AGBL1: variants seen among roughly 807,000 people sequenced by gnomAD.
AGBL1 encodes the protein AGBL carboxypeptidase 1.
In AGBL1, 130 loss-of-function variants were observed where a neutral mutation model predicts 118.9. The ratio of observed to expected loss-of-function variants is 1.09; its 90% CI spans 0.95 to 1.26. The LOEUF (loss-of-function observed/expected upper bound fraction) is 1.26. AGBL1 is among the 50% of genes most tolerant of loss of function. The pLI, the probability that AGBL1 is intolerant of heterozygous loss-of-function variation, is 0.00. For synonymous variants in AGBL1, 555 were observed against 478.9 expected, an observed-to-expected ratio of 1.16 and a Z score of -2.08; for missense variants, 1,584 against 1,298.1, an observed-to-expected ratio of 1.22 and a Z score of -3.38.
At chr15:86,790,816 G>A (rs933231877) in intron 22 of AGBL1, among the ~76,000 whole-genome samples, 1 of 151,990 alleles carries the variant, frequency 6.6e-6, no homozygotes, top group Admixed American at 6.6e-5. Flanking sequence ...ACAGTTCTAT[G>A]TGGTAGCAGC....
intron 4 of AGBL1, among the ~76,000 whole-genome samples, chr15:86,155,495 A>G (rs1232149049): frequency 1.3e-5 from 2 of 152,180 alleles, no homozygotes; most frequent in Non-Finnish European, 2.9e-5. Flanking sequence ...CATACAGATA[A>G]AAAGTCAGGA....
intron 19 of AGBL1, among the ~76,000 whole-genome samples, chr15:86,542,781 A>G (rs772790904): frequency 6.6e-6 from 1 of 152,186 alleles, no homozygotes; most frequent in Non-Finnish European, 1.5e-5. Context: ...ATCTCGCTTT[A>G]TCCCAGATAA....
At chr15:86,808,208 CT>C (rs777088936) in intron 22 of AGBL1, among the ~76,000 whole-genome samples, 7 of 152,098 alleles carry the variant, frequency 4.6e-5, no homozygotes, top group African/African-American at 7.2e-5. Context: ...TGGTTGACCC[CT>C]GGTATTCTCC....
chr15:86,577,526 A>G (rs1006131648), intron 21 of AGBL1, among the ~76,000 whole-genome samples: 2 of 152,244 alleles, frequency 1.3e-5, no homozygotes, highest in African/African-American at 2.4e-5. Context: ...TTGCATAAGT[A>G]ACAAGGAACC....
At chr15:86,169,198 T>C (rs1338610041) in intron 5 of AGBL1, among the ~76,000 whole-genome samples, 1 of 152,116 alleles carries the variant, frequency 6.6e-6, no homozygotes. Flanking sequence ...TGCATAGCAT[T>C]TGTAGGACAG....
chr15:86,128,301 G>A (rs1051223792), intron 1 of AGBL1, among the ~76,000 whole-genome samples: 5 of 151,968 alleles, frequency 3.3e-5, no homozygotes, highest in Admixed American at 6.5e-5. Flanking sequence ...CAGATCTCAC[G>A]AGAGTTATTC....
chr15:86,610,068 T>C (rs1326590904), intron 21 of AGBL1, among the ~76,000 whole-genome samples: 1 of 152,216 alleles, frequency 6.6e-6, no homozygotes, highest in African/African-American at 2.4e-5. Flanking sequence ...ATCAAACTTT[T>C]AATGTCTCTT....
chr15:86,489,946 G>A (rs1258177324), intron 18 of AGBL1, among the ~76,000 whole-genome samples: 1 of 152,018 alleles, frequency 6.6e-6, no homozygotes, highest in Non-Finnish European at 1.5e-5. Context: ...GAAACAGCAG[G>A]CAGGAAAAGT....
intron 17 of AGBL1, among the ~76,000 whole-genome samples, chr15:86,381,758 G>A (rs752105368): frequency 7.2e-5 from 11 of 152,144 alleles, no homozygotes; most frequent in Admixed American, 3.9e-4. Context: ...TCCTGCAGAA[G>A]GAGGGGCCTG....
At chr15:86,082,962 C>G (rs1266892868) in intron 1 of AGBL1, among the ~76,000 whole-genome samples, 1 of 152,328 alleles carries the variant, frequency 6.6e-6, no homozygotes, top group South Asian at 2.1e-4. Context: ...CCTCTCTGAG[C>G]CTCCATTTAT....
At chr15:86,701,241 A>C (rs147665453) in intron 22 of AGBL1, among the ~76,000 whole-genome samples, 1 of 152,218 alleles carries the variant, frequency 6.6e-6, no homozygotes, top group East Asian at 1.9e-4. Context: ...AGAAGGAGAC[A>C]AGAGAGGATA....
chr15:86,420,224 G>A (rs898599920), intron 18 of AGBL1, among the ~76,000 whole-genome samples: 1 of 152,180 alleles, frequency 6.6e-6, no homozygotes, highest in African/African-American at 2.4e-5. Flanking sequence ...AGCTTCGGCT[G>A]GCATCCAGTG....
intron 22 of AGBL1, among the ~76,000 whole-genome samples, chr15:86,682,389 G>T (rs1477173427): frequency 1.3e-5 from 2 of 152,090 alleles, no homozygotes; most frequent in Non-Finnish European, 2.9e-5. Flanking sequence ...AATATTTTTG[G>T]TATGATTTTA....
At position 86,795,353 on chromosome 15, in the gene AGBL1, G is replaced by A. The variant is rs565248927; in HGVS notation, c.3159-111734G>A. 6.6e-5 allele frequency among the ~76,000 whole-genome samples: 10 copies of A among 152,052 alleles called. No individual in the cohort carries two copies. The South Asian group carries it at 2.1e-3, about 32-fold the overall frequency. On this transcript the variant is annotated intron_variant, in intron 22 of 22. Transcript: ENST00000614907. ...TAAAGCCTTCTGGGAATGAAGAGGA[G>A]GACTGGAATTTTGTGGAACACTCAG...
intron 18 of AGBL1, among the ~76,000 whole-genome samples, chr15:86,519,588 G>A (rs770339704): frequency 6.6e-6 from 1 of 152,174 alleles, no homozygotes; most frequent in Admixed American, 6.5e-5. Context: ...CAAGTTAGGT[G>A]TTGTACATAT....
At chr15:86,474,386 G>T (rs546440293) in intron 18 of AGBL1, among the ~76,000 whole-genome samples, 2 of 152,162 alleles carry the variant, frequency 1.3e-5, no homozygotes, top group Admixed American at 1.3e-4. Context: ...CTAATACTGC[G>T]CTTTTCCAAT....
chr15:86,931,457 A>C (rs111293496), intron 23 of AGBL1, among the ~76,000 whole-genome samples: 1 of 152,122 alleles, frequency 6.6e-6, no homozygotes, highest in Non-Finnish European at 1.5e-5. Flanking sequence ...TGGCCTTACC[A>C]TGCTGGGCAA....
chr15:86,614,508 G>A (rs2084696697), intron 21 of AGBL1, among the ~76,000 whole-genome samples: 1 of 151,962 alleles, frequency 6.6e-6, no homozygotes, highest in Non-Finnish European at 1.5e-5. Flanking sequence ...TAGGTATGGT[G>A]GTACCCTGAT....
At chr15:86,127,678 G>T (rs1358398067) in intron 1 of AGBL1, among the ~76,000 whole-genome samples, 1 of 152,194 alleles carries the variant, frequency 6.6e-6, no homozygotes, top group Non-Finnish European at 1.5e-5. Flanking sequence ...CACAACAGCT[G>T]GGCTACAAGT....
Sources: gnomAD v4.1 joint callset for allele counts (sites outside exome capture counted in the v4.1 genomes callset) on GRCh38, gnomAD v4.1.1 for gene constraint, MANE v1.5 for transcripts, NCBI Gene and HGNC (gene_info 2026-07-23, HGNC 2026-07-21) for gene names.